Variants in GUCY2C observed in about 807,000 individuals in gnomAD.
The protein encoded by GUCY2C is guanylyl cyclase C.
GUCY2C carries 118 observed loss-of-function variants against 131.1 expected under a neutral mutation model. That is an observed-to-expected ratio of 0.90 (90% confidence interval 0.78 to 1.05). GUCY2C has a LOEUF of 1.05. Ranked by LOEUF, GUCY2C falls within the 50% of genes least tolerant of loss-of-function variation. The probability of loss-of-function intolerance (pLI) is 0.00; values close to 1 mark genes in which losing one functional copy is unlikely to be tolerated. For missense variants in GUCY2C, 1,161 were observed against 1,304.4 expected (o/e 0.89, Z 1.69); for synonymous variants, 452 against 457.8 (o/e 0.99, Z 0.16).
chr12:14,630,419 G>A (rs892450546), intron 19 of GUCY2C, among the ~76,000 whole-genome samples: 4 of 152,136 alleles, frequency 2.6e-5, no homozygotes, highest in African/African-American at 7.2e-5. Context: ...TTCTGCATTC[G>A]TGGATTCAAC....
chr12:14,674,914 A>G (rs533856170), intron 7 of GUCY2C, among the ~76,000 whole-genome samples, 154 bp from the exon 8 acceptor site: 2 of 152,162 alleles, frequency 1.3e-5, no homozygotes, highest in East Asian at 3.9e-4. Flanking sequence ...ACTTTTAGAA[A>G]ACTCTTCCTT....
intron 19 of GUCY2C, among the ~76,000 whole-genome samples, chr12:14,638,028 A>T (rs183552579): frequency 2.3e-3 from 351 of 152,342 alleles, no homozygotes; most frequent in African/African-American, 8.2e-3. Flanking sequence ...TCAGCAATTA[A>T]AAAAATTCCA....
At chr12:14,645,469 T>A (rs1409666551) in intron 15 of GUCY2C, among the ~76,000 whole-genome samples, 154 bp from the exon 16 acceptor site, 1 of 152,204 alleles carries the variant, frequency 6.6e-6, no homozygotes, top group Non-Finnish European at 1.5e-5. Flanking sequence ...AACCTGTGTT[T>A]TTTCCTTTTC....
Position 14,613,619 on chromosome 12 carries a change from C to T in GUCY2C, c.3048-328G>A, listed in dbSNP as rs1946695968. 6.6e-6 allele frequency among the ~76,000 whole-genome samples: 1 copy of T among 152,090 alleles called. No individual in the cohort carries two copies. Among genetic ancestry groups the T allele is most frequent in the Non-Finnish European group, 1.5e-5 (1 of 68,000 alleles). ...GGATGCTAGGCCCCTGCCACACAAC[C>T]CTGAAAACTCATTGGTCCCACACAT... On this transcript the variant is annotated intron_variant, in intron 26 of 26. Transcript: ENST00000261170. The surrounding 1 kb of genome is among the most constrained non-coding windows in gnomAD (Gnocchi z 4.9).
At chr12:14,656,475 A>G (rs1947765894) in intron 12 of GUCY2C, 37 bp downstream of exon 12, 1 of 1,031,176 alleles carries the variant, frequency 9.7e-7, no homozygotes, top group South Asian at 1.3e-5. Context: ...TACCTGCCAA[A>G]TTGAACCCAT....
chr12:14,639,770 C>T (rs1161333260), intron 19 of GUCY2C, 92 bp downstream of exon 19: 24 of 817,918 alleles, frequency 2.9e-5, no homozygotes, highest in Admixed American at 7.7e-5. Context: ...TCTCCAGAAC[C>T]GTAAGTGAAT....
At position 14,639,864 on chromosome 12, in the gene GUCY2C, C is replaced by T. The variant is rs895214647; in HGVS notation, c.2155G>A (p.Glu719Lys). Residue 719 changes from glutamate to lysine, a missense_variant and splice_region_variant, in exon 19 of 27, where the codon GAA becomes AAA. Glu to Lys is a moderately conservative substitution (Grantham distance 56). Coordinates refer to ENST00000261170, the MANE Select transcript of GUCY2C (RefSeq NM_004963.4). ...TGAATACGGGAAGATATACTCACTT[C>T]TAGCTCTTTTTCCTCTGCTGTTTCC... ...FLETAEEKEL[E>K]VYLLVKNCWE... 19 of 1,568,704 alleles carry T rather than the reference C, an allele frequency of 1.2e-5. No individual in the cohort carries two copies. The highest frequency in any genetic ancestry group is 1.7e-5 in the Non-Finnish European group (19 of 1,138,718).
chr12:14,659,769 C>A (rs114297111), intron 11 of GUCY2C, among the ~76,000 whole-genome samples: 1 of 152,170 alleles, frequency 6.6e-6, no homozygotes, highest in Non-Finnish European at 1.5e-5. Flanking sequence ...AGTTTTCTTG[C>A]ATAGGCTGTT....
chr12:14,629,139 G>A (rs537014472), intron 19 of GUCY2C, among the ~76,000 whole-genome samples: 42 of 152,260 alleles, frequency 2.8e-4, no homozygotes, highest in African/African-American at 9.4e-4. Context: ...CTTATACAAA[G>A]GCTGGAATGT....
chr12:14,687,668 T>A (rs1055113625), intron 2 of GUCY2C, among the ~76,000 whole-genome samples: 1 of 152,076 alleles, frequency 6.6e-6, no homozygotes, highest in Non-Finnish European at 1.5e-5. Flanking sequence ...ACAAAATTTT[T>A]AAAACAATTT....
intron 6 of GUCY2C, among the ~76,000 whole-genome samples, chr12:14,677,478 A>G (rs979585079): frequency 1.3e-5 from 2 of 152,230 alleles, no homozygotes; most frequent in East Asian, 3.8e-4. Flanking sequence ...CTCAACTCCT[A>G]GACAATGCCT....
At position 14,676,848 on chromosome 12, in the gene GUCY2C, G is replaced by A; in HGVS notation, c.948+6C>T. 1 of 1,031,984 alleles carries A rather than the reference G, an allele frequency of 9.7e-7. No homozygotes were observed. Among genetic ancestry groups the A allele is most frequent in the Non-Finnish European group, 1.4e-6 (1 of 695,120 alleles). The allele number at this position is 1,031,984 out of a possible 1,614,324, so 63.9% of individuals were successfully genotyped here. On this transcript the variant is annotated splice_donor_region_variant and intron_variant, in intron 7 of 26. Transcript: ENST00000261170. ...ATTTATACTATAACATAAAATAATA[G>A]CTTACTGGTGATAGATTCCTGGAGA...
intron 19 of GUCY2C, among the ~76,000 whole-genome samples, chr12:14,630,069 C>T (rs918291188): frequency 6.6e-6 from 1 of 150,482 alleles, no homozygotes; most frequent in Admixed American, 6.6e-5. Context: ...GGAAGCCCAA[C>T]TGCTCATCTG....
intron 15 of GUCY2C, among the ~76,000 whole-genome samples, chr12:14,649,005 T>G (rs1947584287): frequency 6.6e-6 from 1 of 152,210 alleles, no homozygotes. Flanking sequence ...CATATCACCC[T>G]TTAATTGCTG....
At chr12:14,680,664 G>A (rs990649543) in intron 5 of GUCY2C, among the ~76,000 whole-genome samples, 1 of 152,120 alleles carries the variant, frequency 6.6e-6, no homozygotes, top group African/African-American at 2.4e-5. Context: ...TCTTAGTGAG[G>A]ATGACTTCTT....
Position 14,613,012 on chromosome 12 carries a change from G to C in GUCY2C, c.*105C>G. ...GGCAGCCAAGCCTAAGTACATTTCT[G>C]CTTCATTGAGGTCTCAGGAAAATGT... On this transcript the variant is annotated 3_prime_UTR_variant, in exon 27 of 27. Coordinates refer to ENST00000261170, the MANE Select transcript of GUCY2C (RefSeq NM_004963.4). The surrounding 1 kb of genome is among the most constrained non-coding windows in gnomAD (Gnocchi z 4.9). 1.1e-6 allele frequency: 1 copy of C among 884,262 alleles called. No homozygotes were observed. Among genetic ancestry groups the C allele is most frequent in the South Asian group, 1.6e-5 (1 of 63,926 alleles). 54.8% of individuals were successfully genotyped at this position (884,262 alleles called of 1,614,324 possible). A position where few individuals can be genotyped will look rare whatever the true frequency, so the allele number is the denominator to read the frequency against.
chr12:14,651,508 G>T lies in GUCY2C; in HGVS notation c.1609C>A (p.Leu537Ile). 7 of 1,550,196 alleles carry T rather than the reference G, an allele frequency of 4.5e-6. No individual in the cohort carries two copies. Among genetic ancestry groups the T allele is most frequent in the Non-Finnish European group, 6.2e-6 (7 of 1,123,688 alleles). The change falls in exon 15 of 27, where the codon CTT (leucine) becomes ATT (isoleucine). Residue 537 changes from leucine to isoleucine, a missense_variant. Leu to Ile is a conservative substitution (Grantham distance 5). Coordinates refer to ENST00000261170, the MANE Select transcript of GUCY2C (RefSeq NM_004963.4). ...EKQKIELNKL[L>I]QIDYYNLTKF... ...GTCAGGTTGTAATAGTCAATCTGAA[G>T]CAACTAGAAGAACGTGTTTGTTTAC... is the stretch of plus-strand genomic sequence containing the variant.
At chr12:14,689,344 G>T (rs1948534800) in intron 1 of GUCY2C, among the ~76,000 whole-genome samples, 1 of 151,900 alleles carries the variant, frequency 6.6e-6, no homozygotes, top group Middle Eastern at 3.4e-3. Flanking sequence ...GGTGGAGCAG[G>T]TTTGCTAATG....
At chr12:14,663,707 T>G (rs557608435) in intron 10 of GUCY2C, among the ~76,000 whole-genome samples, 9 of 152,194 alleles carry the variant, frequency 5.9e-5, no homozygotes, top group Non-Finnish European at 1.2e-4. Flanking sequence ...GACACCATAA[T>G]CTAAACTCCT....
Sources: gnomAD v4.1 joint callset for allele counts (sites outside exome capture counted in the v4.1 genomes callset) on GRCh38, gnomAD v4.1.1 for gene constraint, Gnocchi (gnomAD v3.1) non-coding constraint, MANE v1.5 for transcripts, NCBI Gene and HGNC (gene_info 2026-07-23, HGNC 2026-07-21) for gene names.